Variants in JPH1 observed in about 807,000 individuals in gnomAD.
JPH1 encodes the protein junctophilin-1.
Under a neutral mutation model 53.6 loss-of-function variants are expected in JPH1, and 12 were observed. The ratio of observed to expected loss-of-function variants is 0.22; its 90% CI spans 0.14 to 0.36. The LOEUF (loss-of-function observed/expected upper bound fraction) is 0.36. JPH1 is among the 10% of genes least tolerant of loss of function. The probability of loss-of-function intolerance (pLI) is 1.00; values close to 1 mark genes in which losing one functional copy is unlikely to be tolerated. For synonymous variants in JPH1, 375 were observed against 363.8 expected (o/e 1.03, Z -0.35); for missense variants, 808 against 905.5 (o/e 0.89, Z 1.38).
intron 3 of JPH1, among the ~76,000 whole-genome samples, chr8:74,246,336 C>A (rs1805860125): frequency 6.6e-6 from 1 of 152,138 alleles, no homozygotes; most frequent in African/African-American, 2.4e-5. Context: ...CCTTCTACCC[C>A]CAACCCTTCA....
intron 2 of JPH1, among the ~76,000 whole-genome samples, chr8:74,307,018 C>G (rs1359117919): frequency 6.6e-6 from 1 of 151,992 alleles, no homozygotes; most frequent in African/African-American, 2.4e-5. Flanking sequence ...AATAAAATTG[C>G]CTGCTAACTT....
intron 2 of JPH1, among the ~76,000 whole-genome samples, chr8:74,263,953 T>C (rs1479115576): frequency 6.6e-6 from 1 of 152,210 alleles, no homozygotes; most frequent in East Asian, 1.9e-4. Flanking sequence ...ATACTCTTGA[T>C]AGGGATAAGA....
intron 2 of JPH1, among the ~76,000 whole-genome samples, chr8:74,288,993 C>T (rs1350387031): frequency 6.6e-6 from 1 of 152,096 alleles, no homozygotes; most frequent in Admixed American, 6.6e-5. Context: ...GAAGACTTTA[C>T]CTAAGAGTTT....
Position 74,248,851 on chromosome 8 carries a change from G to C in JPH1, c.1259-3676C>G, listed in dbSNP as rs138354840. Among the ~76,000 whole-genome samples, 47 of 152,278 alleles carry C rather than the reference G, an allele frequency of 3.1e-4. 1 individual carries two copies. The East Asian group carries it at 6.0e-3, about 19-fold the overall frequency. On this transcript the variant is annotated intron_variant, in intron 3 of 5. Coordinates refer to ENST00000342232, the MANE Select transcript of JPH1 (RefSeq NM_020647.4). ...CAACATAAAGTTGATGAGATGCAGC[G>C]GTTCATTAAAAAGACTAGTCAGAAT...
chr8:74,284,014 A>G (rs1370228594), intron 2 of JPH1, among the ~76,000 whole-genome samples: 1 of 152,138 alleles, frequency 6.6e-6, no homozygotes, highest in African/African-American at 2.4e-5. Context: ...AAGGGGTGGC[A>G]GTGATTGCAA....
At chr8:74,269,877 C>A (rs887860191) in intron 2 of JPH1, among the ~76,000 whole-genome samples, 1 of 152,328 alleles carries the variant, frequency 6.6e-6, no homozygotes, top group South Asian at 2.1e-4. Flanking sequence ...TCACCATCTT[C>A]TAGATTTGTT....
At chr8:74,300,086 G>A (rs1237339531) in intron 2 of JPH1, among the ~76,000 whole-genome samples, 3 of 152,288 alleles carry the variant, frequency 2.0e-5, no homozygotes, top group Middle Eastern at 3.4e-3. Context: ...CTGATCTAGC[G>A]AAGAGTTAGA....
At chr8:74,264,836 T>C (rs1375047515) in intron 2 of JPH1, among the ~76,000 whole-genome samples, 1 of 152,208 alleles carries the variant, frequency 6.6e-6, no homozygotes, top group African/African-American at 2.4e-5. Flanking sequence ...ATCATTGTCA[T>C]GTTTCTAAAG....
intron 4 of JPH1, among the ~76,000 whole-genome samples, chr8:74,242,556 T>C (rs913190714): frequency 1.3e-5 from 2 of 152,228 alleles, no homozygotes; most frequent in Non-Finnish European, 1.5e-5. Context: ...CTCAAAACTA[T>C]GTAGTACTCC....
chr8:74,304,331 T>C (rs1807772059), intron 2 of JPH1, among the ~76,000 whole-genome samples: 1 of 152,242 alleles, frequency 6.6e-6, no homozygotes, highest in African/African-American at 2.4e-5. Flanking sequence ...TGGGCTACCA[T>C]CACCCCTTCC....
rs1807011637 is a variant in JPH1 at position 74,236,731 on chromosome 8, A to C, written c.*320T>G. On this transcript the variant is annotated 3_prime_UTR_variant, in exon 6 of 6. Coordinates refer to ENST00000342232, the MANE Select transcript of JPH1 (RefSeq NM_020647.4). ...TCTGCTAGGACAGATGGAGTAGCCA[A>C]TGCCAAGAACTTCGCCGGATGGGGC... The C allele has an allele frequency of 6.5e-6, 1 of 153,130 alleles. No individual in the cohort carries two copies. The allele number at this position is 153,130 out of a possible 1,614,324, so 9.5% of individuals were successfully genotyped here.
intron 2 of JPH1, among the ~76,000 whole-genome samples, chr8:74,298,486 C>T (rs1001477539): frequency 5.3e-5 from 8 of 152,172 alleles, no homozygotes; most frequent in African/African-American, 1.9e-4. Flanking sequence ...TGTTGTTTTG[C>T]TCCTGTTAAT....
intron 2 of JPH1, among the ~76,000 whole-genome samples, chr8:74,307,796 A>G (rs1807882727): frequency 6.6e-6 from 1 of 152,246 alleles, no homozygotes; most frequent in Non-Finnish European, 1.5e-5. Context: ...ACGATAGCTT[A>G]TAAACAGCTT....
intron 2 of JPH1, among the ~76,000 whole-genome samples, chr8:74,290,105 C>G (rs1408539437): frequency 2.0e-5 from 3 of 152,190 alleles, no homozygotes; most frequent in Non-Finnish European, 4.4e-5. Context: ...GGGATGCCCT[C>G]TCTCATCACT....
chr8:74,296,382 T>G (rs1185693438), intron 2 of JPH1, among the ~76,000 whole-genome samples: 1 of 152,212 alleles, frequency 6.6e-6, no homozygotes, highest in Non-Finnish European at 1.5e-5. Flanking sequence ...TCATTAAAAA[T>G]GATCCTAACT....
intron 2 of JPH1, among the ~76,000 whole-genome samples, chr8:74,303,289 G>C (rs1014528821): frequency 3.9e-5 from 6 of 152,172 alleles, no homozygotes; most frequent in African/African-American, 1.4e-4. Flanking sequence ...TTTTAGGCTA[G>C]CATCTTGAAA....
At chr8:74,259,749 T>C (rs1806338887) in intron 2 of JPH1, among the ~76,000 whole-genome samples, 1 of 152,236 alleles carries the variant, frequency 6.6e-6, no homozygotes, top group African/African-American at 2.4e-5. Context: ...AAGGTCTGTG[T>C]AGCTTGATGC....
intron 3 of JPH1, among the ~76,000 whole-genome samples, chr8:74,251,861 C>T (rs912970625): frequency 6.6e-6 from 1 of 152,124 alleles, no homozygotes; most frequent in Non-Finnish European, 1.5e-5. Flanking sequence ...CCTGCATTGC[C>T]AAGTCAATCC....
intron 4 of JPH1, among the ~76,000 whole-genome samples, chr8:74,240,431 T>C (rs1417406854): frequency 6.6e-6 from 1 of 152,072 alleles, no homozygotes; most frequent in Non-Finnish European, 1.5e-5. Context: ...CAGCCTCTGG[T>C]AACCATCCTT....
Sources: gnomAD v4.1 joint callset for allele counts (sites outside exome capture counted in the v4.1 genomes callset) on GRCh38, gnomAD v4.1.1 for gene constraint, MANE v1.5 for transcripts, NCBI Gene and HGNC (gene_info 2026-07-23, HGNC 2026-07-21) for gene names.